Variants in OTOG observed in about 807,000 individuals in gnomAD.
OTOG encodes the protein otogelin.
A neutral mutation model predicts 313.8 loss-of-function variants in OTOG; 296 were observed. That is an observed-to-expected ratio of 0.94 (90% confidence interval 0.86 to 1.04). The LOEUF (loss-of-function observed/expected upper bound fraction) is 1.04. Ranked by LOEUF, OTOG falls within the 50% of genes least tolerant of loss-of-function variation. OTOG has a pLI of 0.00. For synonymous variants in OTOG, 1,533 were observed against 1,554.9 expected (o/e 0.99, Z 0.33); for missense variants, 3,948 against 3,840.1 (o/e 1.03, Z -0.74).
Position 17,613,378 on chromosome 11 carries a change from T to TTCCTTCCTTCCC in OTOG, c.6439-223_6439-222insCTCCTTCCTTCC, listed in dbSNP as rs1423101748. Reference sequence around the variant, plus strand: ...CTTCCTTCCTTCCTTCCTTCCCTCCTTCCTTCCTTCCTTCCTTCCTTTTTT... The same window carrying TTCCTTCCTTCCC: ...CTTCCTTCCTTCCTTCCTTCCCTCCTTCCTTCCTTCCCTCCTTCCTTCCTTCCTTCCTTTTTT... On this transcript the variant is annotated intron_variant, in intron 38 of 55. Transcript: ENST00000399397. 6.3e-3 allele frequency among the ~76,000 whole-genome samples: 837 copies of TTCCTTCCTTCCC among 133,094 alleles called. 23 individuals carry two copies. Among genetic ancestry groups the TTCCTTCCTTCCC allele is most frequent in the African/African-American group, 0.023 (799 of 34,488 alleles). 87.3% of individuals were successfully genotyped at this position (133,094 alleles called of 152,430 possible).
At chr11:17,613,587 G>A in intron 38 of OTOG, 25 bp from the exon 39 acceptor site, 1 of 1,545,402 alleles carries the variant, frequency 6.5e-7, no homozygotes, top group South Asian at 1.2e-5. Context: ...GCTCCAAGTT[G>A]ATGAGGGCTG....
At chr11:17,555,207 A>AAGATG (rs769143670) in intron 6 of OTOG, among the ~76,000 whole-genome samples, 1 of 141,160 alleles carries the variant, frequency 7.1e-6, no homozygotes, top group Non-Finnish European at 1.6e-5. Context: ...GGGGGCAGAG[A>AAGATG]TGTGTGTGTG....
chr11:17,591,838 C>A (rs747383847), intron 25 of OTOG, among the ~76,000 whole-genome samples: 2 of 152,182 alleles, frequency 1.3e-5, no homozygotes, highest in Non-Finnish European at 2.9e-5. Flanking sequence ...GTGCTTTTTT[C>A]TGTCTATAAT....
At position 17,561,694 on chromosome 11, in the gene OTOG, A is replaced by G; in HGVS notation, c.1531A>G (p.Thr511Ala). The G allele has an allele frequency of 6.4e-7, 1 of 1,550,410 alleles. No individual in the cohort carries two copies. Among genetic ancestry groups the G allele is most frequent in the Non-Finnish European group, 8.7e-7 (1 of 1,146,932 alleles). ...CTCAGTGACTGGTGACATTCACTTCACAACCTTTGATGGCCGCCGGTACAC... is the reference window on the plus strand; with the variant it reads ...CTCAGTGACTGGTGACATTCACTTCGCAACCTTTGATGGCCGCCGGTACAC... Reference protein sequence around the residue: ...ECSVTGDIHFTTFDGRRYTFP... With the variant: ...ECSVTGDIHFATFDGRRYTFP... The change falls in exon 15 of 56, where the codon ACA becomes GCA. Residue 511 changes from threonine to alanine, a missense_variant. Coordinates refer to ENST00000399397, the MANE Select transcript of OTOG (RefSeq NM_001292063.2).
Position 17,611,356 on chromosome 11 carries a change from G to A in OTOG, c.6056G>A (p.Ser2019Asn), listed in dbSNP as rs1048169786. The A allele has an allele frequency of 1.3e-6, 2 of 1,549,398 alleles. No homozygotes were observed. Among genetic ancestry groups the A allele is most frequent in the South Asian group, 1.2e-5 (1 of 83,968 alleles). ...EPSGRSAPAL[S>N]IVEGLAEALA... ...TCTGGGCGCTCAGCCCCAGCCCTGA[G>A]CATCGTAGAGGGTTTGGCGGAGGCT... Residue 2019 changes from serine (S) to asparagine (N), a missense_variant, in exon 36 of 56, where the codon AGC (serine) becomes AAC (asparagine). Transcript: ENST00000399397.
intron 40 of OTOG, among the ~76,000 whole-genome samples, chr11:17,631,264 A>ATATAGCAAGCTTT (rs6144235): frequency 0.019 from 2,871 of 152,160 alleles, 93 homozygotes; most frequent in African/African-American, 0.065. Context: ...TTTTGGTGTA[A>ATATAGCAAGCTTT]TATAGCAAAG....
At chr11:17,599,944 T>C (rs1853208639) in intron 31 of OTOG, among the ~76,000 whole-genome samples, 1 of 152,194 alleles carries the variant, frequency 6.6e-6, no homozygotes, top group African/African-American at 2.4e-5. Context: ...CCGGGGACTG[T>C]GCTCGGCAGG....
rs1252257062 is a variant in OTOG, at chr11:17,553,226, C to T, written c.385+15C>T. 1 of 1,549,668 alleles carries T rather than the reference C, an allele frequency of 6.5e-7. No homozygotes were observed. Among genetic ancestry groups the T allele is most frequent in the Non-Finnish European group, 8.7e-7 (1 of 1,146,524 alleles). On this transcript the variant is annotated intron_variant, in intron 5 of 55. Coordinates refer to ENST00000399397, the MANE Select transcript of OTOG (RefSeq NM_001292063.2). Reference sequence around the variant, plus strand: ...CTGCCAGATGGGTGGGTCTGGGCTCCACCCCACCCCCAGGAAGGGACCTGG... The same window carrying T: ...CTGCCAGATGGGTGGGTCTGGGCTCTACCCCACCCCCAGGAAGGGACCTGG...
rs560648400 is a variant in OTOG, at chr11:17,635,635, C to T, written c.7719C>T (p.Ile2573=). The stretch of plus-strand genomic sequence containing the variant: ...CCTGTGGTGACTGTCCAGACTCCAT[C>T]CCCGAATGTCAAGAAGGGGAGGCGC... The part of the protein sequence containing the change: ...FCACGDCPDS[I]PECQEGEALT... Residue 2573 remains isoleucine (I), a synonymous_variant, in exon 47 of 56, where the codon ATC becomes ATT. Transcript: ENST00000399397. 3 of 1,550,382 alleles carry T rather than the reference C, an allele frequency of 1.9e-6. No homozygotes were observed. Among genetic ancestry groups the T allele is most frequent in the African/African-American group, 1.4e-5 (1 of 73,026 alleles).
At chr11:17,580,436 T>A (rs893811400) in intron 23 of OTOG, among the ~76,000 whole-genome samples, 2 of 152,190 alleles carry the variant, frequency 1.3e-5, no homozygotes, top group African/African-American at 4.8e-5. Flanking sequence ...CCCTGAGGGG[T>A]CCCTGGAGTG....
intron 28 of OTOG, among the ~76,000 whole-genome samples, chr11:17,595,057 C>T (rs1157713031): frequency 6.6e-6 from 1 of 152,096 alleles, no homozygotes; most frequent in African/African-American, 2.4e-5. Flanking sequence ...ATCTTAATGC[C>T]CTGCTGGGAA....
chr11:17,573,169 G>A lies in OTOG; in HGVS notation c.2172G>A (p.Gln724=). 1.3e-6 allele frequency: 2 copies of A among 1,543,062 alleles called. No individual in the cohort carries two copies. Among genetic ancestry groups the A allele is most frequent in the Non-Finnish European group, 8.7e-7 (1 of 1,146,884 alleles). The change falls in exon 19 of 56, where the codon CAG becomes CAA. Residue 724 remains glutamine (Q), a synonymous_variant. Transcript: ENST00000399397. ...AFLSPVPYFE[Q]CRRDACRCGQ... ...TGAGCCCCGTGCCCTACTTTGAGCA[G>A]TGCCGCAGGGATGCCTGCCGCTGCG...
chr11:17,640,334 G>A lies in OTOG; in HGVS notation c.7936-411G>A, dbSNP rs116613693. On this transcript the variant is annotated intron_variant, in intron 49 of 55. Transcript: ENST00000399397. ...AGATCATGCTCTTAGCCACCAGGCT[G>A]CATGGCCACTGAGGGAAGTGAAAAT... Among the ~76,000 whole-genome samples, 396 of 152,328 alleles carry A rather than the reference G, an allele frequency of 2.6e-3. 1 individual carries two copies. The highest frequency in any genetic ancestry group is 8.2e-3 in the African/African-American group (340 of 41,578).
At chr11:17,639,314 TGGGTCTTCAGAAGAC>T (rs948953975) in intron 48 of OTOG, 94 bp from the exon 49 acceptor site, 20 of 1,179,852 alleles carry the variant, frequency 1.7e-5, no homozygotes, top group Non-Finnish European at 2.2e-5. Context: ...GGCCTGGAGC[TGGGTCTTCAGAAGAC>T]GGGTTGTGCC....
At chr11:17,552,114 G>A (rs1217358376) in intron 4 of OTOG, 39 bp downstream of exon 4, 1 of 1,540,254 alleles carries the variant, frequency 6.5e-7, no homozygotes, top group Non-Finnish European at 8.8e-7. Flanking sequence ...GGTTGTGCAT[G>A]GGAGAGCCCT....
intron 23 of OTOG, among the ~76,000 whole-genome samples, chr11:17,583,160 G>A (rs1852712770): frequency 6.6e-6 from 1 of 151,806 alleles, no homozygotes; most frequent in South Asian, 2.1e-4. Context: ...TTACAGACAA[G>A]GTCTTGCTCT....
In OTOG at chr11:17,561,097, C is replaced by T; in HGVS notation, c.1458C>T (p.Cys486=). 6.4e-7 allele frequency: 1 copy of T among 1,550,600 alleles called. No homozygotes were observed. The highest frequency in any genetic ancestry group is 8.7e-7 in the Non-Finnish European group (1 of 1,146,974). The change falls in exon 14 of 56, where the codon TGC becomes TGT. Residue 486 remains cysteine (C), a synonymous_variant. Transcript: ENST00000399397. Reference sequence around the variant, plus strand: ...CTTGGTCTCTGTGTTTTAGCACATGCACCTCAGGCAAGTGGGAGTGCAGCA... The same window carrying T: ...CTTGGTCTCTGTGTTTTAGCACATGTACCTCAGGCAAGTGGGAGTGCAGCA... The part of the protein sequence containing the change: ...VVKEDCNTCT[C]TSGKWECSTA...
chr11:17,559,387 C>T, intron 11 of OTOG, 147 bp from the exon 12 acceptor site: 1 of 1,154,532 alleles, frequency 8.7e-7, no homozygotes, highest in South Asian at 1.6e-5. Context: ...TGTCAATTTC[C>T]TGGGCACCCA....
chr11:17,629,893 C>T lies in OTOG; in HGVS notation c.6712+577C>T, dbSNP rs569260001. On this transcript the variant is annotated intron_variant, in intron 40 of 55. Transcript: ENST00000399397. ...CTGGATGTGGGCCGCTGCTCATTGC[C>T]GGGGCATAAGCACATGGACACTCAT... 2.0e-4 allele frequency among the ~76,000 whole-genome samples: 30 copies of T among 152,246 alleles called. No homozygotes were observed. In the South Asian group the frequency reaches 3.3e-3, roughly 17 times the overall value.
Sources: gnomAD v4.1 joint callset for allele counts (sites outside exome capture counted in the v4.1 genomes callset) on GRCh38, gnomAD v4.1.1 for gene constraint, MANE v1.5 for transcripts, NCBI Gene and HGNC (gene_info 2026-07-23, HGNC 2026-07-21) for gene names.